The following IQGAP1 variants were observed in gnomAD, a reference collection of about 807,000 sequenced individuals.
The protein encoded by IQGAP1 is IQ motif containing GTPase activating protein 1, also known as ras GTPase-activating-like protein IQGAP1.
A neutral mutation model predicts 215.6 loss-of-function variants in IQGAP1; 66 were observed. The ratio of observed to expected loss-of-function variants is 0.31; its 90% CI spans 0.25 to 0.38. IQGAP1 has a LOEUF of 0.38. Among genes scored for constraint, IQGAP1 ranks in the 10% least tolerant of loss-of-function variants. The pLI is 1.00. For synonymous variants in IQGAP1, 772 were observed against 728.7 expected (o/e 1.06, Z -0.96); for missense variants, 1,712 against 1,997.1 (o/e 0.86, Z 2.72).
At chr15:90,433,886 G>A in intron 5 of IQGAP1, 91 bp downstream of exon 5, 1 of 707,722 alleles carries the variant, frequency 1.4e-6, no homozygotes, top group Non-Finnish European at 2.3e-6. Context: ...GAATGAAAAA[G>A]TTTTTTGATT....
At chr15:90,428,781 A>T (rs1965262295) in intron 3 of IQGAP1, among the ~76,000 whole-genome samples, 1 of 152,198 alleles carries the variant, frequency 6.6e-6, no homozygotes, top group Non-Finnish European at 1.5e-5. Context: ...TGGACAACAA[A>T]GTGGAGCCCT....
intron 15 of IQGAP1, among the ~76,000 whole-genome samples, chr15:90,457,944 G>A (rs1301076564): frequency 1.3e-5 from 2 of 152,108 alleles, no homozygotes; most frequent in African/African-American, 2.4e-5. Context: ...GTGGACTTTA[G>A]TACGTTGATA....
Position 90,454,483 on chromosome 15 carries a change from T to G in IQGAP1, c.1543T>G (p.Phe515Val), listed in dbSNP as rs1965651457. ...TCAGGCACATGCAGAGAATAATGAA[T>G]TCATTACATGGAATGATATCCAAGC... Reference protein sequence around the residue: ...KAQAHAENNEFITWNDIQACV... With the variant: ...KAQAHAENNEVITWNDIQACV... The change falls in exon 14 of 38, where the codon TTC becomes GTC. Residue 515 changes from phenylalanine (F) to valine (V), a missense_variant. Phe to Val is a conservative substitution (Grantham distance 50). Around this residue, in one of 2 missense-constraint regions of IQGAP1, gnomAD observed 1,021 missense variants for 1,074.2 expected, o/e 0.95. Coordinates refer to ENST00000268182, the MANE Select transcript of IQGAP1 (RefSeq NM_003870.4). 5 of 1,612,186 alleles carry G rather than the reference T, an allele frequency of 3.1e-6. No homozygotes were observed. The highest frequency in any genetic ancestry group is 4.2e-6 in the Non-Finnish European group (5 of 1,179,424).
intron 5 of IQGAP1, among the ~76,000 whole-genome samples, chr15:90,434,054 T>C (rs1254648966): frequency 1.3e-5 from 2 of 152,168 alleles, no homozygotes; most frequent in African/African-American, 4.8e-5. Context: ...GATCTAGTAT[T>C]TCTGTGAACT....
At chr15:90,425,943 TCTGA>T (rs1183617115) in intron 2 of IQGAP1, among the ~76,000 whole-genome samples, 163 bp from the exon 3 acceptor site, 1 of 152,190 alleles carries the variant, frequency 6.6e-6, no homozygotes, top group African/African-American at 2.4e-5. Context: ...GCCTCTGAGA[TCTGA>T]CTGGGCCAGG....
At chr15:90,470,117 A>C (rs1286686141) in intron 18 of IQGAP1, among the ~76,000 whole-genome samples, 1 of 152,142 alleles carries the variant, frequency 6.6e-6, no homozygotes, top group Non-Finnish European at 1.5e-5. Flanking sequence ...AAGGGATGCT[A>C]CCTCATTTTC....
Position 90,472,883 on chromosome 15 carries a change from T to A in IQGAP1, c.2222T>A (p.Leu741Gln), listed in dbSNP as rs377496381. Residue 741 changes from leucine to glutamine, a missense_variant, in exon 19 of 38, where the codon CTG (leucine) becomes CAG (glutamine). Physicochemically the swap from Leu to Gln is moderately radical, Grantham distance 113. Around this residue, in one of 2 missense-constraint regions of IQGAP1, gnomAD observed 1,021 missense variants for 1,074.2 expected, o/e 0.95. Transcript: ENST00000268182. Reference sequence around the variant, plus strand: ...ACTGCCGCATATAACCGAGAACAGCTGTGGCTGGCCAATGAAGGCCTGATC... The same window carrying A: ...ACTGCCGCATATAACCGAGAACAGCAGTGGCTGGCCAATGAAGGCCTGATC... ...GVTAAYNREQLWLANEGLITR... is the reference protein window; with the variant it reads ...GVTAAYNREQQWLANEGLITR... The A allele has an allele frequency of 6.2e-7, 1 of 1,613,956 alleles. No homozygotes were observed. Among genetic ancestry groups the A allele is most frequent in the Non-Finnish European group, 8.5e-7 (1 of 1,179,922 alleles).
At chr15:90,414,173 G>A (rs1265174723) in intron 2 of IQGAP1, among the ~76,000 whole-genome samples, 1 of 152,186 alleles carries the variant, frequency 6.6e-6, no homozygotes, top group African/African-American at 2.4e-5. Flanking sequence ...AAAAGAAGTT[G>A]GCTGGGTGCA....
chr15:90,400,805 A>G (rs536755402), intron 2 of IQGAP1, among the ~76,000 whole-genome samples: 93 of 152,256 alleles, frequency 6.1e-4, no homozygotes, highest in African/African-American at 2.2e-3. Flanking sequence ...TAGGAATTTC[A>G]TTTTCCGGCT....
chr15:90,403,520 T>C (rs1964833137), intron 2 of IQGAP1, among the ~76,000 whole-genome samples: 1 of 152,204 alleles, frequency 6.6e-6, no homozygotes. Flanking sequence ...AAAGTCTATA[T>C]CCTTAGTCTT....
At chr15:90,481,829 C>T in intron 26 of IQGAP1, 131 bp from the exon 27 acceptor site, 2 of 913,562 alleles carry the variant, frequency 2.2e-6, no homozygotes, top group East Asian at 2.6e-5. Flanking sequence ...TATCACTTAC[C>T]AGCCCCGTGA....
intron 10 of IQGAP1, among the ~76,000 whole-genome samples, chr15:90,449,266 A>C (rs1175194728): frequency 6.6e-6 from 1 of 152,168 alleles, no homozygotes; most frequent in Non-Finnish European, 1.5e-5. Context: ...TGGTCAAAGT[A>C]AGTAGCATTA....
rs565088214 is a variant in IQGAP1, at chr15:90,416,406, T to C, written c.156-9704T>C. On this transcript the variant is annotated intron_variant, in intron 2 of 37. Transcript: ENST00000268182. ...TTATAGCAGCATGATTTATAATCCTTTGGGTACATACCCAGTAATGGGATG... is the reference window on the plus strand; with the variant it reads ...TTATAGCAGCATGATTTATAATCCTCTGGGTACATACCCAGTAATGGGATG... Among the ~76,000 whole-genome samples the C allele has an allele frequency of 7.2e-5, 11 of 152,314 alleles. No homozygotes were observed. In the East Asian group the frequency reaches 1.9e-3, roughly 27 times the overall value.
intron 11 of IQGAP1, among the ~76,000 whole-genome samples, chr15:90,451,480 C>G (rs1965603341): frequency 6.6e-6 from 1 of 152,194 alleles, no homozygotes; most frequent in Non-Finnish European, 1.5e-5. Context: ...CTGATCCGTT[C>G]TCCCCAAGAA....
At position 90,440,628 on chromosome 15, in the gene IQGAP1, A is replaced by T. The variant is rs1965435325; in HGVS notation, c.649+13A>T. 2.0e-6 allele frequency: 3 copies of T among 1,523,752 alleles called. No homozygotes were observed. Among genetic ancestry groups the T allele is most frequent in the Non-Finnish European group, 1.8e-6 (2 of 1,120,650 alleles). The allele number at this position is 1,523,752 out of a possible 1,614,324, so 94.4% of individuals were successfully genotyped here. On this transcript the variant is annotated intron_variant, in intron 7 of 37. Coordinates refer to ENST00000268182, the MANE Select transcript of IQGAP1 (RefSeq NM_003870.4). The stretch of plus-strand genomic sequence containing the variant: ...GATGAAGCCGCATGTAAGAAGAGAG[A>T]AATTTTGTGGGTTCAACTGGGATTG...
Position 90,491,416 on chromosome 15 carries a change from A to G in IQGAP1, c.4332A>G (p.Val1444=), listed in dbSNP as rs1290425544. The change falls in exon 34 of 38, where the codon GTA becomes GTG. Residue 1444 remains valine, a synonymous_variant. Coordinates refer to ENST00000268182, the MANE Select transcript of IQGAP1 (RefSeq NM_003870.4). ...TPDKMKKSKS[V]KEDSNLTLQE... is the part of the protein sequence containing the mutation. ...ACAAGATGAAAAAGTCAAAATCTGT[A>G]AAGGAAGACAGCAACCTCACTCTTC... The G allele has an allele frequency of 5.6e-6, 9 of 1,614,204 alleles. No individual in the cohort carries two copies. Among genetic ancestry groups the G allele is most frequent in the Non-Finnish European group, 7.6e-6 (9 of 1,180,026 alleles).
intron 2 of IQGAP1, among the ~76,000 whole-genome samples, chr15:90,405,588 T>A (rs1411947276): frequency 6.6e-6 from 1 of 152,186 alleles, no homozygotes. Context: ...AGTGGTGAAA[T>A]AAGCTTCAGA....
chr15:90,390,848 C>T lies in IQGAP1; in HGVS notation c.130C>T (p.Leu44Phe). The T allele has an allele frequency of 6.2e-7, 1 of 1,611,168 alleles. No homozygotes were observed. The highest frequency in any genetic ancestry group is 8.5e-7 in the Non-Finnish European group (1 of 1,177,364). The change falls in exon 2 of 38, where the codon CTT becomes TTT. Residue 44 changes from leucine to phenylalanine, a missense_variant. Transcript: ENST00000268182. ...RRRQNVAYEY[L>F]CHLEEAKRWM... ...ACGTCAGAACGTGGCTTATGAGTAC[C>T]TTTGTCATTTGGAAGAAGCGAAGAG...
At chr15:90,400,131 G>A (rs1055314918) in intron 2 of IQGAP1, among the ~76,000 whole-genome samples, 36 of 150,860 alleles carry the variant, frequency 2.4e-4, no homozygotes, top group African/African-American at 8.7e-4. Flanking sequence ...TGCCTGCAAT[G>A]TGGAGACTCT....
Sources: gnomAD v4.1 joint callset for allele counts (sites outside exome capture counted in the v4.1 genomes callset) on GRCh38, gnomAD v4.1.1 for gene constraint, gnomAD v4.1.1 regional missense constraint, MANE v1.5 for transcripts, NCBI Gene and HGNC (gene_info 2026-07-23, HGNC 2026-07-21) for gene names.